The following MAP3K9 variants were observed in gnomAD, a reference collection of about 807,000 sequenced individuals.
MAP3K9 encodes the protein mitogen-activated protein kinase kinase kinase 9.
MAP3K9 carries 46 observed loss-of-function variants against 95.8 expected under a neutral mutation model. The ratio of observed to expected loss-of-function variants is 0.48; its 90% CI spans 0.38 to 0.61. The LOEUF (loss-of-function observed/expected upper bound fraction) is 0.61, where lower values mean the gene tolerates loss of function less well. Among genes scored for constraint, MAP3K9 ranks in the 20% least tolerant of loss-of-function variants. MAP3K9 has a pLI of 0.00. For synonymous variants in MAP3K9, 533 were observed against 593.8 expected (o/e 0.90, Z 1.49); for missense variants, 1,296 against 1,474.3 (o/e 0.88, Z 1.98).
intron 2 of MAP3K9, among the ~76,000 whole-genome samples, chr14:70,773,595 T>G (rs181069209): frequency 1.4e-3 from 208 of 152,322 alleles, no homozygotes; most frequent in East Asian, 0.012. Context: ...AACTAAAAAG[T>G]GTCATTGTAG....
chr14:70,808,299 T>C (rs2055014016), intron 1 of MAP3K9, among the ~76,000 whole-genome samples: 1 of 152,124 alleles, frequency 6.6e-6, no homozygotes. Flanking sequence ...GACACCCCCA[T>C]CTCTTTGAAA....
intron 6 of MAP3K9, 120 bp downstream of exon 6, chr14:70,742,231 G>A (rs2054080322): frequency 7.4e-6 from 10 of 1,351,010 alleles, no homozygotes; most frequent in Non-Finnish European, 1.0e-5. Flanking sequence ...ATTTAAAACA[G>A]GCTGGAGTTT....
chr14:70,770,951 T>A (rs1277055486), intron 2 of MAP3K9, among the ~76,000 whole-genome samples: 1 of 152,158 alleles, frequency 6.6e-6, no homozygotes, highest in Admixed American at 6.5e-5. Context: ...CTGTGCTTGC[T>A]GTCTCCAGTC....
intron 2 of MAP3K9, among the ~76,000 whole-genome samples, chr14:70,770,337 C>T (rs766229245): frequency 4.6e-4 from 70 of 151,854 alleles, no homozygotes; most frequent in Non-Finnish European, 8.5e-4. Flanking sequence ...CACACCAGGA[C>T]GCCCAGATAC....
At chr14:70,799,251 G>T (rs8021260) in intron 2 of MAP3K9, among the ~76,000 whole-genome samples, 7 of 152,126 alleles carry the variant, frequency 4.6e-5, no homozygotes, top group African/African-American at 1.7e-4. Flanking sequence ...AATCCTCTTC[G>T]CCCTCAAGCC....
At chr14:70,784,223 C>T (rs2054718691) in intron 2 of MAP3K9, among the ~76,000 whole-genome samples, 1 of 151,946 alleles carries the variant, frequency 6.6e-6, no homozygotes, top group East Asian at 1.9e-4. Flanking sequence ...GTGGAGGCTG[C>T]AGCAAGCTGA....
intron 2 of MAP3K9, 67 bp downstream of exon 2, chr14:70,800,600 C>G (rs78092130): frequency 9.2e-6 from 14 of 1,518,840 alleles, no homozygotes; most frequent in Admixed American, 3.6e-5. Context: ...AAGTCCACTC[C>G]TACTGACGTC....
At chr14:70,748,116 A>T (rs2054174460) in intron 5 of MAP3K9, among the ~76,000 whole-genome samples, 1 of 151,612 alleles carries the variant, frequency 6.6e-6, no homozygotes, top group Admixed American at 6.6e-5. Flanking sequence ...AAAAAAAAAA[A>T]AAAATGGTAA....
rs571995120 is a variant in MAP3K9 at position 70,805,587 on chromosome 14, C to A, written c.406+3179G>T. Reference sequence around the variant, plus strand: ...TTATAATATCATTTTTATATGTTTTCTTTGTCATAATATTTAGTAATTTCC... The same window carrying A: ...TTATAATATCATTTTTATATGTTTTATTTGTCATAATATTTAGTAATTTCC... On this transcript the variant is annotated intron_variant, in intron 1 of 11. Transcript: ENST00000554752. 9.9e-5 allele frequency among the ~76,000 whole-genome samples: 15 copies of A among 152,206 alleles called. 1 individual carries two copies. The East Asian group carries it at 2.9e-3, about 29-fold the overall frequency.
chr14:70,772,991 T>C (rs2054551168), intron 2 of MAP3K9, among the ~76,000 whole-genome samples: 1 of 151,992 alleles, frequency 6.6e-6, no homozygotes, highest in African/African-American at 2.4e-5. Context: ...ACTAAGAAAA[T>C]ACTAAACACC....
At chr14:70,759,174 G>A (rs980754255) in intron 3 of MAP3K9, among the ~76,000 whole-genome samples, 2 of 152,182 alleles carry the variant, frequency 1.3e-5, no homozygotes, top group African/African-American at 4.8e-5. Context: ...GGCCGGGCAT[G>A]GTGTGGTTCA....
rs1566769765 is a variant in MAP3K9 at position 70,801,015 on chromosome 14, C to A, written c.472G>T (p.Val158Phe). 1.2e-6 allele frequency: 2 copies of A among 1,614,212 alleles called. No individual in the cohort carries two copies. The highest frequency in any genetic ancestry group is 2.7e-5 in the African/African-American group (2 of 75,050). Residue 158 changes from valine to phenylalanine, a missense_variant, in exon 2 of 12, where the codon GTC (valine) becomes TTC (phenylalanine). Coordinates refer to ENST00000554752, the MANE Select transcript of MAP3K9 (RefSeq NM_001284230.2). Reference sequence around the variant, plus strand: ...TCCCCTATCCAGAAAGCACGATAGACCTTCCCAAAGCCCCCGATGCCAATA... The same window carrying A: ...TCCCCTATCCAGAAAGCACGATAGAACTTCCCAAAGCCCCCGATGCCAATA... ...EIIGIGGFGK[V>F]YRAFWIGDEV...
chr14:70,783,261 G>A, intron 2 of MAP3K9: 1 of 950,514 alleles, frequency 1.1e-6, no homozygotes, highest in Non-Finnish European at 1.3e-6. Flanking sequence ...CCAAACAACG[G>A]TAAGGTGGGA....
intron 2 of MAP3K9, 59 bp downstream of exon 2, chr14:70,800,608 G>A (rs533140326): frequency 1.7e-5 from 27 of 1,544,900 alleles, no homozygotes; most frequent in Middle Eastern, 2.2e-4. Flanking sequence ...TCCTACTGAC[G>A]TCGTGGGATA....
At chr14:70,783,560 CGGGA>C in intron 2 of MAP3K9, 1 of 205,572 alleles carries the variant, frequency 4.9e-6, no homozygotes, top group Non-Finnish European at 8.6e-6. Context: ...AGGAAATAGC[CGGGA>C]GGCTTCACTC....
Position 70,759,863 on chromosome 14 carries a change from T to C in MAP3K9, c.1001+1139A>G, listed in dbSNP as rs185341679. On this transcript the variant is annotated intron_variant, in intron 3 of 11. Coordinates refer to ENST00000554752, the MANE Select transcript of MAP3K9 (RefSeq NM_001284230.2). ...TCAACCTCTCAGGCTCAAGTAATCC[T>C]CCCATCTCAGCCTCCCACGTAGCTG... is the stretch of plus-strand genomic sequence containing the variant. 4.8e-4 allele frequency among the ~76,000 whole-genome samples: 73 copies of C among 152,256 alleles called. 1 individual carries two copies. In the East Asian group the frequency reaches 0.014, roughly 29 times the overall value.
At chr14:70,808,705 C>T (rs1408386426) in intron 1 of MAP3K9, 61 bp downstream of exon 1, 2 of 898,760 alleles carry the variant, frequency 2.2e-6, no homozygotes, top group South Asian at 1.9e-5. Flanking sequence ...TCCCCCCTTC[C>T]CCGACCGCCC....
intron 2 of MAP3K9, among the ~76,000 whole-genome samples, chr14:70,790,125 T>G (rs1040010119): frequency 2.0e-5 from 3 of 152,184 alleles, no homozygotes; most frequent in African/African-American, 7.2e-5. Context: ...ATGGTTCATG[T>G]GACCAGAGCA....
Position 70,742,364 on chromosome 14 carries a change from G to A in MAP3K9, c.1554C>T (p.Ile518=). 1.2e-6 allele frequency: 2 copies of A among 1,614,160 alleles called. No homozygotes were observed. The highest frequency in any genetic ancestry group is 8.5e-7 in the Non-Finnish European group (1 of 1,180,004). Residue 518 remains isoleucine (I), a synonymous_variant, in exon 6 of 12, where the codon ATC becomes ATT. Coordinates refer to ENST00000554752, the MANE Select transcript of MAP3K9 (RefSeq NM_001284230.2). ...CCGGCCACTGACCAGAAGGGAGGCTGATGCGGTTGCCATCCTTGAGCTTCA... is the reference window on the plus strand; with the variant it reads ...CCGGCCACTGACCAGAAGGGAGGCTAATGCGGTTGCCATCCTTGAGCTTCA... ...SRLKLKDGNR[I]SLPSDFQHKF... is the part of the protein sequence containing the mutation.
Sources: gnomAD v4.1 joint callset for allele counts (sites outside exome capture counted in the v4.1 genomes callset) on GRCh38, gnomAD v4.1.1 for gene constraint, MANE v1.5 for transcripts, NCBI Gene and HGNC (gene_info 2026-07-23, HGNC 2026-07-21) for gene names.